Variants in CSMD1 observed in about 807,000 individuals in gnomAD.
The protein encoded by CSMD1 is CUB and Sushi multiple domains 1.
In CSMD1, 213 loss-of-function variants were observed where a neutral mutation model predicts 417.5. That is an observed-to-expected ratio of 0.51 (90% confidence interval 0.46 to 0.57). CSMD1 has a LOEUF of 0.57. Among genes scored for constraint, CSMD1 ranks in the 20% least tolerant of loss-of-function variants. CSMD1 has a pLI of 0.00. For synonymous variants in CSMD1, 2,862 were observed against 1,736.8 expected, an observed-to-expected ratio of 1.65 and a Z score of -16.11; for missense variants, 6,923 against 4,529.7, an observed-to-expected ratio of 1.53 and a Z score of -15.17.
At chr8:4,567,352 G>A (rs1021818203) in intron 2 of CSMD1, among the ~76,000 whole-genome samples, 1 of 152,172 alleles carries the variant, frequency 6.6e-6, no homozygotes, top group Non-Finnish European at 1.5e-5. Flanking sequence ...AGTGAAACAT[G>A]CACTTGGAAG....
At chr8:3,624,460 C>T (rs891754415) in intron 7 of CSMD1, among the ~76,000 whole-genome samples, 4 of 152,182 alleles carry the variant, frequency 2.6e-5, no homozygotes, top group African/African-American at 9.6e-5. Flanking sequence ...CACTTTTTAG[C>T]ACGAAGGCAC....
intron 5 of CSMD1, among the ~76,000 whole-genome samples, chr8:3,787,655 T>C (rs1341920167): frequency 6.6e-6 from 1 of 152,178 alleles, no homozygotes; most frequent in Non-Finnish European, 1.5e-5. Context: ...GGCAGCTTGG[T>C]AATATAATTT....
At chr8:4,116,718 C>G (rs780259394) in intron 3 of CSMD1, among the ~76,000 whole-genome samples, 1 of 151,956 alleles carries the variant, frequency 6.6e-6, no homozygotes, top group Non-Finnish European at 1.5e-5. Flanking sequence ...TGCAGCAGGG[C>G]AGGTGTTGCT....
chr8:3,335,105 C>G (rs145341636), intron 23 of CSMD1, among the ~76,000 whole-genome samples: 1,703 of 152,308 alleles, frequency 0.011, 27 homozygotes, highest in African/African-American at 0.039. Context: ...GCCCAGGACC[C>G]TGGAGGTGCC....
At chr8:3,675,901 C>G (rs750019631) in intron 7 of CSMD1, among the ~76,000 whole-genome samples, 1 of 152,182 alleles carries the variant, frequency 6.6e-6, no homozygotes, top group African/African-American at 2.4e-5. Flanking sequence ...TGCTGAAGTT[C>G]TCTCTCAGCA....
intron 1 of CSMD1, among the ~76,000 whole-genome samples, chr8:4,655,692 G>A (rs1195315125): frequency 6.6e-6 from 1 of 151,884 alleles, no homozygotes; most frequent in East Asian, 1.9e-4. Flanking sequence ...AAGGTAACTA[G>A]GACACGAAGA....
chr8:4,943,783 A>G (rs896849076), intron 1 of CSMD1, among the ~76,000 whole-genome samples: 3 of 152,190 alleles, frequency 2.0e-5, no homozygotes, highest in African/African-American at 4.8e-5. Flanking sequence ...TGAAAATTGC[A>G]TGTTAGAAAA....
At chr8:4,427,137 G>A (rs905452720) in intron 2 of CSMD1, among the ~76,000 whole-genome samples, 4 of 151,318 alleles carry the variant, frequency 2.6e-5, no homozygotes, top group Admixed American at 1.3e-4. Context: ...CTCCTGCCAG[G>A]TAGGGGTGGT....
intron 26 of CSMD1, among the ~76,000 whole-genome samples, chr8:3,283,345 C>CTGAAG (rs1163198720): frequency 1.3e-5 from 2 of 152,062 alleles, no homozygotes; most frequent in Non-Finnish European, 2.9e-5. Flanking sequence ...TAGGGGAGCC[C>CTGAAG]TGAAGATAGG....
intron 1 of CSMD1, among the ~76,000 whole-genome samples, chr8:4,979,876 A>AAAT (rs1364643008): frequency 6.6e-6 from 1 of 152,026 alleles, no homozygotes; most frequent in East Asian, 1.9e-4. Context: ...TCTCTACTAA[A>AAAT]AATACAAAAA....
intron 1 of CSMD1, among the ~76,000 whole-genome samples, chr8:4,763,546 T>C (rs142349979): frequency 3.3e-5 from 5 of 152,298 alleles, no homozygotes; most frequent in South Asian, 4.1e-4. Context: ...TGGGGCACCA[T>C]AGAAAGAGCA....
intron 26 of CSMD1, among the ~76,000 whole-genome samples, chr8:3,280,691 C>G (rs10101340): frequency 0.75 from 114,252 of 152,000 alleles, 43,332 homozygotes; most frequent in Admixed American, 0.84. Flanking sequence ...TCATATGATT[C>G]AAACTAGTAC....
intron 10 of CSMD1, among the ~76,000 whole-genome samples, chr8:3,511,161 A>G (rs188659568): frequency 1.5e-3 from 233 of 151,914 alleles, no homozygotes; most frequent in Non-Finnish European, 1.6e-3. Context: ...GTTCTCAGTA[A>G]TAAGTGGGAG....
intron 3 of CSMD1, among the ~76,000 whole-genome samples, chr8:4,289,083 T>C (rs1797217240): frequency 6.6e-6 from 1 of 152,204 alleles, no homozygotes; most frequent in Admixed American, 6.5e-5. Flanking sequence ...AATAAAATTA[T>C]ATTTGGTGTA....
intron 3 of CSMD1, among the ~76,000 whole-genome samples, chr8:4,129,831 C>T (rs1297378069): frequency 6.6e-6 from 1 of 152,068 alleles, no homozygotes; most frequent in Non-Finnish European, 1.5e-5. Flanking sequence ...TCTCTGACAC[C>T]TTTTCTTTCC....
chr8:3,026,401 TG>T (rs1213888648), intron 51 of CSMD1, among the ~76,000 whole-genome samples: 2 of 150,926 alleles, frequency 1.3e-5, no homozygotes, highest in Non-Finnish European at 3.0e-5. Context: ...TCGGCCTCAC[TG>T]GGCCTGACTG....
intron 1 of CSMD1, among the ~76,000 whole-genome samples, chr8:4,954,099 C>T (rs1380795542): frequency 2.0e-5 from 3 of 152,180 alleles, no homozygotes; most frequent in South Asian, 4.1e-4. Flanking sequence ...CTACCTGTGC[C>T]AATTTAAACA....
At chr8:3,370,295 A>T (rs1178095717) in intron 18 of CSMD1, among the ~76,000 whole-genome samples, 1 of 152,168 alleles carries the variant, frequency 6.6e-6, no homozygotes, top group African/African-American at 2.4e-5. Context: ...AAAAGAATAA[A>T]AGGAAATGGA....
At chr8:4,821,249 G>A (rs1253361932) in intron 1 of CSMD1, among the ~76,000 whole-genome samples, 1 of 152,140 alleles carries the variant, frequency 6.6e-6, no homozygotes, top group Non-Finnish European at 1.5e-5. Flanking sequence ...TTATTACGCA[G>A]ACTCCAGTTC....
Sources: gnomAD v4.1 joint callset for allele counts (sites outside exome capture counted in the v4.1 genomes callset) on GRCh38, gnomAD v4.1.1 for gene constraint, MANE v1.5 for transcripts, NCBI Gene and HGNC (gene_info 2026-07-23, HGNC 2026-07-21) for gene names.